The following BAIAP2L1 variants were observed in gnomAD, a reference collection of about 807,000 sequenced individuals.
BAIAP2L1 encodes the protein BAR/IMD domain-containing adapter protein 2-like 1.
BAIAP2L1 carries 35 observed loss-of-function variants against 66.3 expected under a neutral mutation model. The ratio of observed to expected loss-of-function variants is 0.53; its 90% CI spans 0.40 to 0.70. The LOEUF (loss-of-function observed/expected upper bound fraction) is 0.70. Ranked by LOEUF, BAIAP2L1 falls within the 30% of genes least tolerant of loss-of-function variation. BAIAP2L1 has a pLI of 0.00. For missense variants in BAIAP2L1, 622 were observed against 656.9 expected (o/e 0.95, Z 0.58); for synonymous variants, 269 against 248.7 (o/e 1.08, Z -0.77).
intron 3 of BAIAP2L1, among the ~76,000 whole-genome samples, chr7:98,352,731 A>G (rs922743662): frequency 2.6e-5 from 4 of 152,230 alleles, no homozygotes; most frequent in African/African-American, 9.6e-5. Flanking sequence ...CACTGAAATG[A>G]AAGTTCTAAG....
rs190387874 is a variant in BAIAP2L1 at position 98,325,427 on chromosome 7, C to T, written c.215-5129G>A. On this transcript the variant is annotated intron_variant, in intron 3 of 13. Coordinates refer to ENST00000005260, the MANE Select transcript of BAIAP2L1 (RefSeq NM_018842.5). ...GTGTGGTGGCTCATGCCTGTAATCC[C>T]AGCACTTTAGGATGCTGGGGTGGGT... is the stretch of plus-strand genomic sequence containing the variant. 3.0e-3 allele frequency among the ~76,000 whole-genome samples: 455 copies of T among 151,802 alleles called. 4 individuals carry two copies. The highest frequency in any genetic ancestry group is 0.01 in the African/African-American group (427 of 41,348).
chr7:98,386,147 T>G lies in BAIAP2L1; in HGVS notation c.51+14655A>C, dbSNP rs1802885737. 2.5e-6 allele frequency: 4 copies of G among 1,592,582 alleles called. No individual in the cohort carries two copies. The East Asian group carries it at 8.9e-5, about 36-fold the overall frequency. ...GCATAAGAGGTCTTCCGTATCTGAT[T>G]GTTGCGTTTTTTAGTAAAACCAACA... On this transcript the variant is annotated intron_variant, in intron 1 of 13. Coordinates refer to ENST00000005260, the MANE Select transcript of BAIAP2L1 (RefSeq NM_018842.5).
At chr7:98,392,437 G>A (rs894821875) in intron 1 of BAIAP2L1, among the ~76,000 whole-genome samples, 5 of 152,176 alleles carry the variant, frequency 3.3e-5, no homozygotes, top group African/African-American at 1.2e-4. Flanking sequence ...CATGCTTTCT[G>A]GAGGGCATTT....
At chr7:98,389,894 G>A (rs1342083184) in intron 1 of BAIAP2L1, among the ~76,000 whole-genome samples, 1 of 150,052 alleles carries the variant, frequency 6.7e-6, no homozygotes, top group Non-Finnish European at 1.5e-5. Flanking sequence ...GTTGCCTGTT[G>A]CACGTGTAGT....
intron 12 of BAIAP2L1, among the ~76,000 whole-genome samples, chr7:98,301,552 C>T (rs141424876): frequency 0.02 from 2,962 of 151,242 alleles, 99 homozygotes; most frequent in African/African-American, 0.068. Flanking sequence ...CTCCTGACCT[C>T]GTGATCCGCC....
intron 1 of BAIAP2L1, among the ~76,000 whole-genome samples, chr7:98,373,375 T>C (rs1452916612): frequency 1.3e-5 from 2 of 152,210 alleles, no homozygotes; most frequent in African/African-American, 2.4e-5. Flanking sequence ...ATATGAGTAA[T>C]GTTTTGGTTA....
chr7:98,307,715 G>C lies in BAIAP2L1; in HGVS notation c.1137C>G (p.Leu379=). 1 of 1,614,204 alleles carries C rather than the reference G, an allele frequency of 6.2e-7. No individual in the cohort carries two copies. Among genetic ancestry groups the C allele is most frequent in the Admixed American group, 1.7e-5 (1 of 60,028 alleles). The change falls in exon 10 of 14, where the codon CTC becomes CTG. Residue 379 remains leucine, a synonymous_variant. Transcript: ENST00000005260. ...CCTTGGACACGTCGTGTTCTCCATA[G>C]AGCCAGCCATCCTTCTCCTCGGGGA... ...LLIPEEKDGW[L]YGEHDVSKAR...
At chr7:98,319,253 G>C (rs912896762) in intron 5 of BAIAP2L1, among the ~76,000 whole-genome samples, 4 of 152,148 alleles carry the variant, frequency 2.6e-5, no homozygotes, top group African/African-American at 9.7e-5. Flanking sequence ...CTCAATACCG[G>C]GTCTGTAGGG....
chr7:98,298,507 G>A (rs1800283666), intron 12 of BAIAP2L1, among the ~76,000 whole-genome samples: 1 of 152,038 alleles, frequency 6.6e-6, no homozygotes, highest in East Asian at 2.0e-4. Context: ...CAGCTACTCG[G>A]GAGGCTGAGG....
chr7:98,361,923 T>C (rs1272554239), intron 2 of BAIAP2L1, among the ~76,000 whole-genome samples: 2 of 152,020 alleles, frequency 1.3e-5, no homozygotes, highest in African/African-American at 4.8e-5. Flanking sequence ...GCTAAAAATA[T>C]TGTTTCTCAT....
chr7:98,334,644 G>A (rs1044743321), intron 3 of BAIAP2L1, among the ~76,000 whole-genome samples: 3 of 151,702 alleles, frequency 2.0e-5, no homozygotes, highest in Non-Finnish European at 4.4e-5. Context: ...TCCTAGGTTC[G>A]AGCAATTCTG....
intron 3 of BAIAP2L1, among the ~76,000 whole-genome samples, chr7:98,352,142 G>A (rs1802014509): frequency 1.3e-5 from 2 of 151,512 alleles, no homozygotes. Flanking sequence ...ACAGATACGG[G>A]GTGCCTTTTT....
intron 1 of BAIAP2L1, among the ~76,000 whole-genome samples, chr7:98,376,657 CA>C (rs71112147): frequency 0.021 from 1,981 of 92,898 alleles, 46 homozygotes; most frequent in African/African-American, 0.08. Context: ...CCCATCTTTA[CA>C]AAAAAAAAAA....
chr7:98,315,322 T>C (rs776660165), intron 7 of BAIAP2L1, 138 bp downstream of exon 7: 8 of 700,714 alleles, frequency 1.1e-5, no homozygotes, highest in Non-Finnish European at 1.6e-5. Flanking sequence ...GAGACAGAGT[T>C]TTGCCATGTT....
chr7:98,340,794 T>A (rs77127008), intron 3 of BAIAP2L1, among the ~76,000 whole-genome samples: 3 of 48,670 alleles, frequency 6.2e-5, no homozygotes, highest in Non-Finnish European at 1.9e-4. Context: ...CTCTTACAGG[T>A]TTTTTTTTTT....
intron 1 of BAIAP2L1, among the ~76,000 whole-genome samples, chr7:98,368,149 T>C (rs1228294111): frequency 6.6e-6 from 1 of 152,102 alleles, no homozygotes; most frequent in African/African-American, 2.4e-5. Flanking sequence ...CCGGGTGCAG[T>C]GGCTCATGCC....
chr7:98,353,143 C>T (rs1802036038), intron 3 of BAIAP2L1, among the ~76,000 whole-genome samples: 1 of 151,310 alleles, frequency 6.6e-6, no homozygotes, highest in Admixed American at 6.6e-5. Context: ...AGGATTATGG[C>T]ACCAACCAGG....
At chr7:98,325,935 C>A (rs1024421164) in intron 3 of BAIAP2L1, among the ~76,000 whole-genome samples, 2 of 152,192 alleles carry the variant, frequency 1.3e-5, no homozygotes, top group African/African-American at 4.8e-5. Flanking sequence ...CATCTGAGAA[C>A]CTGCAGTCCC....
At chr7:98,342,665 T>A (rs954800024) in intron 3 of BAIAP2L1, among the ~76,000 whole-genome samples, 1 of 152,124 alleles carries the variant, frequency 6.6e-6, no homozygotes, top group Admixed American at 6.6e-5. Context: ...CAAAGCAAAT[T>A]TATAAACTCC....
Sources: allele counts gnomAD v4.1 joint callset (sites outside exome capture counted in the v4.1 genomes callset), GRCh38; gene constraint gnomAD v4.1.1; transcripts MANE v1.5; gene names NCBI Gene and HGNC (gene_info 2026-07-23, HGNC 2026-07-21).